Variants in DENND6A observed in about 807,000 individuals in gnomAD.
The protein encoded by DENND6A is protein DENND6A.
DENND6A carries 43 observed loss-of-function variants against 95.5 expected under a neutral mutation model. The observed-to-expected ratio is 0.45, with a 90% CI of 0.35 to 0.58. The LOEUF (loss-of-function observed/expected upper bound fraction) is 0.58, where lower values mean the gene tolerates loss of function less well. Among genes scored for constraint, DENND6A ranks in the 20% least tolerant of loss-of-function variants. DENND6A has a pLI of 0.00. For synonymous variants in DENND6A, 257 were observed against 260.4 expected (o/e 0.99, Z 0.13); for missense variants, 574 against 736.0 (o/e 0.78, Z 2.55).
chr3:57,659,190 A>C lies in DENND6A; in HGVS notation c.700-10T>G, dbSNP rs201467371. The C allele has an allele frequency of 5.6e-6, 9 of 1,613,874 alleles. No homozygotes were observed. The East Asian group carries it at 2.0e-4, about 36-fold the overall frequency. On this transcript the variant is annotated splice_polypyrimidine_tract_variant and intron_variant, in intron 7 of 19. Transcript: ENST00000311128. ...ATGTGGGAATCCGTACCTAAAAGAAAGACAGGAAATTATTTTTGGTTATAA... is the reference window on the plus strand; with the variant it reads ...ATGTGGGAATCCGTACCTAAAAGAACGACAGGAAATTATTTTTGGTTATAA...
At chr3:57,655,550 T>G (rs1449165986) in intron 9 of DENND6A, among the ~76,000 whole-genome samples, 1 of 152,194 alleles carries the variant, frequency 6.6e-6, no homozygotes, top group Non-Finnish European at 1.5e-5. Flanking sequence ...AGTGGAAAAT[T>G]CTACTTATGA....
At chr3:57,663,244 A>T in intron 5 of DENND6A, among the ~76,000 whole-genome samples, 1 of 150,048 alleles carries the variant, frequency 6.7e-6, no homozygotes, top group Non-Finnish European at 1.5e-5. Context: ...AGGCATGTGG[A>T]TCACAAGGTC....
chr3:57,688,159 T>A (rs1343322302), intron 1 of DENND6A, among the ~76,000 whole-genome samples: 1 of 151,850 alleles, frequency 6.6e-6, no homozygotes, highest in Non-Finnish European at 1.5e-5. Flanking sequence ...CCAAGCTGCC[T>A]ATTTTTGTAT....
Position 57,672,257 on chromosome 3 carries a change from T to G in DENND6A, c.318A>C (p.Ser106=), listed in dbSNP as rs1181832781. 4.4e-6 allele frequency: 7 copies of G among 1,608,572 alleles called. No homozygotes were observed. Among genetic ancestry groups the G allele is most frequent in the African/African-American group, 1.3e-5 (1 of 74,626 alleles). ...ICYLSFPDSN[S]GCLGDTQFCF... ...AAACACTGTATGAAAAACAGTTACCTGAATTTGAATCTGGAAAAGACAAAT... is the reference window on the plus strand; with the variant it reads ...AAACACTGTATGAAAAACAGTTACCGGAATTTGAATCTGGAAAAGACAAAT... The change falls in exon 3 of 20, where the codon TCA becomes TCC. Residue 106 remains serine, a splice_region_variant and synonymous_variant. Transcript: ENST00000311128.
At chr3:57,670,212 G>A (rs1236884962) in intron 3 of DENND6A, among the ~76,000 whole-genome samples, 2 of 152,008 alleles carry the variant, frequency 1.3e-5, no homozygotes, top group Non-Finnish European at 2.9e-5. Flanking sequence ...ACCATCTTAG[G>A]TTCACTAACT....
chr3:57,663,487 A>AATAT lies in DENND6A; in HGVS notation c.513+145_513+148dup, dbSNP rs1553742674. On this transcript the variant is annotated intron_variant, in intron 5 of 19. Transcript: ENST00000311128. ...TCAAAAAAAAAAAAAAAAAAAAAAA[A>AATAT]ATATATATATACACACACACACACA... 245 of 91,952 alleles carry AATAT rather than the reference A, an allele frequency of 2.7e-3. 6 individuals are homozygous for AATAT. Among genetic ancestry groups the AATAT allele is most frequent in the African/African-American group, 8.3e-3 (92 of 11,060 alleles). 5.7% of individuals were successfully genotyped at this position (91,952 alleles called of 1,614,324 possible). A position where few individuals can be genotyped will look rare whatever the true frequency, so the allele number is the denominator to read the frequency against.
intron 1 of DENND6A, among the ~76,000 whole-genome samples, chr3:57,692,424 T>C (rs1457568917): frequency 6.6e-6 from 1 of 152,180 alleles, no homozygotes; most frequent in African/African-American, 2.4e-5. Context: ...ATGGGCATTG[T>C]TCTTGAAAAA....
rs1250853245 is a variant in DENND6A, at chr3:57,626,172, T to C, written c.*2042A>G. On this transcript the variant is annotated 3_prime_UTR_variant, in exon 20 of 20. Transcript: ENST00000311128. ...CAAATGCCATATTCTCTCTATGACT[T>C]TGAGGTATGCTTCAAGAGACTGTAT... 6.6e-6 allele frequency: 1 copy of C among 152,546 alleles called. No homozygotes were observed. The highest frequency in any genetic ancestry group is 1.5e-5 in the Non-Finnish European group (1 of 68,012). 9.4% of individuals were successfully genotyped at this position (152,546 alleles called of 1,614,324 possible).
At chr3:57,639,703 A>C (rs1048858544) in intron 12 of DENND6A, among the ~76,000 whole-genome samples, 3 of 152,110 alleles carry the variant, frequency 2.0e-5, no homozygotes, top group African/African-American at 7.2e-5. Context: ...TAGCAGACAA[A>C]AAATTTGAGG....
At chr3:57,684,147 G>C (rs571039018) in intron 1 of DENND6A, among the ~76,000 whole-genome samples, 2 of 48,386 alleles carry the variant, frequency 4.1e-5, no homozygotes, top group Non-Finnish European at 7.1e-5. Flanking sequence ...GTGAGACTCC[G>C]TCTCAAAAAA....
chr3:57,687,991 T>C (rs1282623936), intron 1 of DENND6A, among the ~76,000 whole-genome samples: 1 of 145,476 alleles, frequency 6.9e-6, no homozygotes, highest in Non-Finnish European at 1.5e-5. Context: ...GAGTTTTTTG[T>C]TTTTTGGGTT....
Position 57,657,738 on chromosome 3 carries a change from G to C in DENND6A, c.763-3C>G. On this transcript the variant is annotated splice_polypyrimidine_tract_variant and splice_region_variant and intron_variant, in intron 8 of 19. Transcript: ENST00000311128. ...ATAACAGATATATTTGTGTCCACCT[G>C]AGAGATAGAAAAGAAAAATAAAAGA... The C allele has an allele frequency of 5.1e-6, 8 of 1,567,906 alleles. No individual in the cohort carries two copies. Among genetic ancestry groups the C allele is most frequent in the Non-Finnish European group, 6.9e-6 (8 of 1,152,946 alleles).
At chr3:57,640,603 T>G (rs2070908874) in intron 12 of DENND6A, among the ~76,000 whole-genome samples, 1 of 152,182 alleles carries the variant, frequency 6.6e-6, no homozygotes. Context: ...TAGTACATTA[T>G]AAAGTTATTA....
In DENND6A at chr3:57,662,185, C is replaced by CTTTTTTTTTTTTTTTTTT. The variant is rs60063768; in HGVS notation, c.514-652_514-635dup. ...TTTTTGTTTCTTTCTTTTCTTTTTT[C>CTTTTTTTTTTTTTTTTTT]TTTTTTTTTTTTTTTTTTTTTTTGA... is the stretch of plus-strand genomic sequence containing the variant. On this transcript the variant is annotated intron_variant, in intron 5 of 19. Transcript: ENST00000311128. Among the ~76,000 whole-genome samples, 146 of 79,144 alleles carry CTTTTTTTTTTTTTTTTTT rather than the reference C, an allele frequency of 1.8e-3. 1 individual carries two copies. Among genetic ancestry groups the CTTTTTTTTTTTTTTTTTT allele is most frequent in the East Asian group, 4.0e-3 (9 of 2,254 alleles). The allele number at this position is 79,144 out of a possible 152,430, so 51.9% of individuals were successfully genotyped here. A position where few individuals can be genotyped will look rare whatever the true frequency, so the allele number is the denominator to read the frequency against.
intron 1 of DENND6A, among the ~76,000 whole-genome samples, chr3:57,689,204 C>T (rs572952712): frequency 9.1e-4 from 139 of 152,038 alleles, no homozygotes; most frequent in African/African-American, 3.3e-3. Context: ...CTGCCCGCCT[C>T]GGCCTCCCAA....
chr3:57,672,042 T>C (rs1233635396), intron 3 of DENND6A, among the ~76,000 whole-genome samples: 2 of 152,226 alleles, frequency 1.3e-5, no homozygotes, highest in Admixed American at 6.5e-5. Context: ...TTATTGTTCC[T>C]TGATGGTTTA....
intron 19 of DENND6A, 117 bp downstream of exon 19, chr3:57,628,694 C>G: frequency 9.5e-7 from 1 of 1,054,078 alleles, no homozygotes; most frequent in Non-Finnish European, 1.4e-6. Context: ...TGACCAATTT[C>G]AAGCCCTCTC....
At chr3:57,689,009 G>C (rs1575875301) in intron 1 of DENND6A, among the ~76,000 whole-genome samples, 1 of 151,958 alleles carries the variant, frequency 6.6e-6, no homozygotes, top group Non-Finnish European at 1.5e-5. Context: ...CGCCAGGCTG[G>C]AGTGCAGTGG....
chr3:57,692,061 T>C (rs2077271158), intron 1 of DENND6A, among the ~76,000 whole-genome samples: 1 of 151,542 alleles, frequency 6.6e-6, no homozygotes, highest in African/African-American at 2.4e-5. Flanking sequence ...AGAAACCCCG[T>C]CTCTATTAAA....
Sources: gnomAD v4.1 joint callset for allele counts (sites outside exome capture counted in the v4.1 genomes callset) on GRCh38, gnomAD v4.1.1 for gene constraint, MANE v1.5 for transcripts, NCBI Gene and HGNC (gene_info 2026-07-23, HGNC 2026-07-21) for gene names.